COL4A2: variants seen among roughly 807,000 people sequenced by gnomAD.
The protein encoded by COL4A2 is collagen alpha-2(IV) chain.
A neutral mutation model predicts 200.2 loss-of-function variants in COL4A2; 99 were observed. The observed-to-expected ratio is 0.49, with a 90% CI of 0.42 to 0.58. The LOEUF (loss-of-function observed/expected upper bound fraction) is 0.58, where lower values mean the gene tolerates loss of function less well. Among genes scored for constraint, COL4A2 ranks in the 20% least tolerant of loss-of-function variants. The probability of loss-of-function intolerance (pLI) is 0.00; values close to 1 mark genes in which losing one functional copy is unlikely to be tolerated. For synonymous variants in COL4A2, 897 were observed against 900.6 expected, an observed-to-expected ratio of 1.00 and a Z score of 0.07; for missense variants, 1,950 against 2,314.1, an observed-to-expected ratio of 0.84 and a Z score of 3.23.
At chr13:110,449,016 C>A (rs1261371010) in intron 18 of COL4A2, among the ~76,000 whole-genome samples, 1 of 151,958 alleles carries the variant, frequency 6.6e-6, no homozygotes, top group African/African-American at 2.4e-5. Flanking sequence ...GTCAGGCCTT[C>A]TGTCCCTTGC....
chr13:110,412,681 C>T (rs960425497), intron 4 of COL4A2, among the ~76,000 whole-genome samples: 4 of 152,328 alleles, frequency 2.6e-5, no homozygotes, highest in South Asian at 2.1e-4. Flanking sequence ...GAATTGCTTA[C>T]GCAGGTCTGG....
intron 4 of COL4A2, among the ~76,000 whole-genome samples, chr13:110,391,260 T>C (rs1878971740): frequency 6.6e-6 from 1 of 152,206 alleles, no homozygotes; most frequent in South Asian, 2.1e-4. Flanking sequence ...TTGCAGTATC[T>C]ACAGGGCCTC....
At chr13:110,506,949 T>TG (rs1883908653) in intron 46 of COL4A2, among the ~76,000 whole-genome samples, 1 of 152,306 alleles carries the variant, frequency 6.6e-6, no homozygotes, top group Admixed American at 6.5e-5. Context: ...TCTGTAGACT[T>TG]GGAGTCAGGC....
At chr13:110,451,390 G>A (rs1032090964) in intron 20 of COL4A2, among the ~76,000 whole-genome samples, 9 of 152,268 alleles carry the variant, frequency 5.9e-5, no homozygotes, top group African/African-American at 9.6e-5. Flanking sequence ...GTATTAGTTC[G>A]TTCTCACGCT....
At chr13:110,509,871 A>G (rs912182767) in intron 47 of COL4A2, among the ~76,000 whole-genome samples, 1 of 152,210 alleles carries the variant, frequency 6.6e-6, no homozygotes, top group African/African-American at 2.4e-5. Context: ...CTGAGAACAG[A>G]AAGTCCCCAT....
intron 3 of COL4A2, among the ~76,000 whole-genome samples, chr13:110,321,558 A>C (rs1184151146): frequency 6.6e-6 from 1 of 152,172 alleles, no homozygotes; most frequent in East Asian, 1.9e-4. Flanking sequence ...TAGGGACCTC[A>C]CAGAAGTGGA....
Position 110,504,106 on chromosome 13 carries a change from G to A in COL4A2, c.4286-42G>A, listed in dbSNP as rs150396852. 591 of 1,601,246 alleles carry A rather than the reference G, an allele frequency of 3.7e-4. No homozygotes were observed. The African/African-American group carries it at 6.9e-3, about 19-fold the overall frequency. On this transcript the variant is annotated intron_variant, in intron 44 of 47. Coordinates refer to ENST00000360467, the MANE Select transcript of COL4A2 (RefSeq NM_001846.4). ...TTGTGGATCGCCGGCCGTGCCAGGC[G>A]TGGTCAGTTTCCAGCCATAACGCTT...
At chr13:110,500,727 A>G (rs1883608512) in intron 40 of COL4A2, among the ~76,000 whole-genome samples, 1 of 152,230 alleles carries the variant, frequency 6.6e-6, no homozygotes, top group African/African-American at 2.4e-5. Context: ...ATGTTTGTCA[A>G]TGATCAGTAT....
intron 3 of COL4A2, among the ~76,000 whole-genome samples, chr13:110,339,285 A>T (rs147004623): frequency 1.6e-4 from 25 of 152,174 alleles, no homozygotes; most frequent in Non-Finnish European, 3.4e-4. Context: ...TAGGTGTGGG[A>T]GGGGCAGCAT....
At chr13:110,491,621 A>C (rs1182845995) in intron 37 of COL4A2, among the ~76,000 whole-genome samples, 1 of 152,134 alleles carries the variant, frequency 6.6e-6, no homozygotes, top group Non-Finnish European at 1.5e-5. Context: ...ACGGTTTGTA[A>C]GGGATCCCTT....
At chr13:110,506,674 GCCACAGCGAGACTCCCAAAC>G in intron 46 of COL4A2, 68 bp downstream of exon 46, 1 of 1,460,706 alleles carries the variant, frequency 6.8e-7, no homozygotes. Context: ...AGATCAAAGG[GCCACAGCGAGACTCCCAAAC>G]CCTCCACGGC....
chr13:110,506,809 C>T (rs1239622648), intron 46 of COL4A2, among the ~76,000 whole-genome samples: 2 of 152,198 alleles, frequency 1.3e-5, no homozygotes, highest in Non-Finnish European at 2.9e-5. Flanking sequence ...ACCTCAGGAC[C>T]TTAACACAGG....
chr13:110,361,707 A>T (rs1375247764), intron 4 of COL4A2, among the ~76,000 whole-genome samples: 1 of 151,960 alleles, frequency 6.6e-6, no homozygotes, highest in Non-Finnish European at 1.5e-5. Context: ...TGAGTGGTAG[A>T]CTCTCCCAGC....
In COL4A2 at chr13:110,324,084, A is replaced by G. The variant is rs573197179; in HGVS notation, c.99+15961A>G. Among the ~76,000 whole-genome samples the G allele has an allele frequency of 5.3e-5, 8 of 152,220 alleles. No individual in the cohort carries two copies. The East Asian group carries it at 1.2e-3, about 22-fold the overall frequency. On this transcript the variant is annotated intron_variant, in intron 3 of 47. Coordinates refer to ENST00000360467, the MANE Select transcript of COL4A2 (RefSeq NM_001846.4). ...TGCTTCAACTGCAAGACAGAGTGCC[A>G]AACTATTTCAATTTAATAGCATGGT...
chr13:110,471,513 C>T (rs899728346), intron 28 of COL4A2, among the ~76,000 whole-genome samples: 1 of 152,316 alleles, frequency 6.6e-6, no homozygotes, highest in Non-Finnish European at 1.5e-5. Context: ...AGAGTCTATT[C>T]CAGATCTAAG....
rs898443428 is a variant in COL4A2, at chr13:110,508,050, T to C, written c.4710T>C (p.Thr1570=). ...ACAAGTCCTACTGGCTCTCTACCACTGCGCCGCTGCCCATGATGCCCGTGG... is the reference window on the plus strand; with the variant it reads ...ACAAGTCCTACTGGCTCTCTACCACCGCGCCGCTGCCCATGATGCCCGTGG... The part of the protein sequence containing the change: ...RNDKSYWLST[T]APLPMMPVAE... The change falls in exon 47 of 48, where the codon ACT becomes ACC. Residue 1570 remains threonine (T), a synonymous_variant. Coordinates refer to ENST00000360467, the MANE Select transcript of COL4A2 (RefSeq NM_001846.4). This position sits in a 1 kb window ranked among gnomAD's most constrained non-coding sequence, Gnocchi z 6.1. 1.2e-6 allele frequency: 2 copies of C among 1,614,192 alleles called. No individual in the cohort carries two copies. Among genetic ancestry groups the C allele is most frequent in the Non-Finnish European group, 1.7e-6 (2 of 1,180,020 alleles).
chr13:110,513,018 T>G lies in COL4A2; in HGVS notation c.*827T>G, dbSNP rs1214451734. On this transcript the variant is annotated 3_prime_UTR_variant, in exon 48 of 48. Transcript: ENST00000360467. ...CTACAAAATAAAACTTGGTTCTGAA[T>G]ATTTTTAAACCCCGAGTTGTTGACC... The G allele has an allele frequency of 6.6e-6, 1 of 152,198 alleles. No homozygotes were observed. The highest frequency in any genetic ancestry group is 1.5e-5 in the Non-Finnish European group (1 of 68,048). 9.4% of individuals were successfully genotyped at this position (152,198 alleles called of 1,614,324 possible). A position where few individuals can be genotyped will look rare whatever the true frequency, so the allele number is the denominator to read the frequency against.
chr13:110,470,681 G>C (rs1396857856), intron 28 of COL4A2, among the ~76,000 whole-genome samples: 2 of 152,158 alleles, frequency 1.3e-5, no homozygotes, highest in Non-Finnish European at 2.9e-5. Flanking sequence ...ATATCACACA[G>C]AACATCGGGA....
chr13:110,418,740 G>A (rs1169030992), intron 4 of COL4A2, among the ~76,000 whole-genome samples: 3 of 152,284 alleles, frequency 2.0e-5, no homozygotes, highest in African/African-American at 7.2e-5. Context: ...GACAGAGATA[G>A]AAAGTGTCCA....
Sources: gnomAD v4.1 joint callset for allele counts (sites outside exome capture counted in the v4.1 genomes callset) on GRCh38, gnomAD v4.1.1 for gene constraint, Gnocchi (gnomAD v3.1) non-coding constraint, MANE v1.5 for transcripts, NCBI Gene and HGNC (gene_info 2026-07-23, HGNC 2026-07-21) for gene names.